The following BICD1 variants were observed in gnomAD, a reference collection of about 807,000 sequenced individuals.
BICD1 encodes protein bicaudal D homolog 1.
In BICD1, 35 loss-of-function variants were observed where a neutral mutation model predicts 92.5. The observed-to-expected ratio is 0.38, with a 90% CI of 0.29 to 0.50. BICD1 has a LOEUF of 0.50. Ranked by LOEUF, BICD1 falls within the 20% of genes least tolerant of loss-of-function variation. The pLI is 0.93. For synonymous variants in BICD1, 429 were observed against 465.1 expected (o/e 0.92, Z 1.00); for missense variants, 950 against 1,189.8 (o/e 0.80, Z 2.97).
chr12:32,121,258 C>A (rs942601128), intron 1 of BICD1, among the ~76,000 whole-genome samples: 1 of 150,286 alleles, frequency 6.7e-6, no homozygotes, highest in African/African-American at 2.4e-5. Context: ...CAGCACCTGG[C>A]GTCCATAGAT....
intron 1 of BICD1, among the ~76,000 whole-genome samples, chr12:32,129,608 G>A (rs922018597): frequency 2.0e-5 from 3 of 150,426 alleles, no homozygotes; most frequent in Non-Finnish European, 4.4e-5. Context: ...GGGCTCAACC[G>A]ATCTTCCCAC....
intron 1 of BICD1, among the ~76,000 whole-genome samples, chr12:32,199,798 C>T (rs1024855818): frequency 6.6e-6 from 1 of 152,036 alleles, no homozygotes. Context: ...TCCTTCAGAC[C>T]TCCAATAAAC....
chr12:32,239,587 T>G (rs1278181786), intron 2 of BICD1, among the ~76,000 whole-genome samples: 8 of 151,304 alleles, frequency 5.3e-5, no homozygotes, highest in African/African-American at 1.9e-4. Flanking sequence ...TTAGCGTTTT[T>G]TAACACTCAA....
chr12:32,234,248 C>G (rs1054433826), intron 2 of BICD1, among the ~76,000 whole-genome samples: 4 of 152,122 alleles, frequency 2.6e-5, no homozygotes, highest in African/African-American at 9.7e-5. Context: ...ATTAAAAGTA[C>G]TTTTTTAGAA....
chr12:32,302,880 A>ATTTTTTTTTT (rs371035402), intron 3 of BICD1, among the ~76,000 whole-genome samples: 1 of 109,910 alleles, frequency 9.1e-6, no homozygotes, highest in Admixed American at 1.0e-4. Context: ...TCCAATGACC[A>ATTTTTTTTTT]TTTTTTTTTT....
At chr12:32,187,538 G>A (rs773914351) in intron 1 of BICD1, among the ~76,000 whole-genome samples, 1 of 152,110 alleles carries the variant, frequency 6.6e-6, no homozygotes, top group African/African-American at 2.4e-5. Context: ...CGGGCGTGGT[G>A]GCGCGCTCCT....
Position 32,377,726 on chromosome 12 carries a change from A to C in BICD1, c.*99A>C. On this transcript the variant is annotated 3_prime_UTR_variant, in exon 10 of 10. Coordinates refer to ENST00000652176, the MANE Select transcript of BICD1 (RefSeq NM_001714.4). ...CGGGTGTTTTCTTCTCGGTTGTTAG[A>C]TGTACAATTGGATTAATGTCCATCG... 1.9e-6 allele frequency: 2 copies of C among 1,069,940 alleles called. No individual in the cohort carries two copies. Among genetic ancestry groups the C allele is most frequent in the Non-Finnish European group, 2.9e-6 (2 of 696,122 alleles). The allele number at this position is 1,069,940 out of a possible 1,614,324, so 66.3% of individuals were successfully genotyped here. A position where few individuals can be genotyped will look rare whatever the true frequency, so the allele number is the denominator to read the frequency against.
At chr12:32,146,117 TC>T (rs1486156420) in intron 1 of BICD1, among the ~76,000 whole-genome samples, 5 of 152,252 alleles carry the variant, frequency 3.3e-5, no homozygotes, top group African/African-American at 1.2e-4. Flanking sequence ...CAATTATTCT[TC>T]CCTTTCACTC....
At position 32,110,230 on chromosome 12, in the gene BICD1, C is replaced by T. The variant is rs142964619; in HGVS notation, c.213+2686C>T. 1.3e-3 allele frequency among the ~76,000 whole-genome samples: 192 copies of T among 152,226 alleles called. No individual in the cohort carries two copies. The Middle Eastern group carries it at 0.017, about 14-fold the overall frequency. On this transcript the variant is annotated intron_variant, in intron 1 of 9. Coordinates refer to ENST00000652176, the MANE Select transcript of BICD1 (RefSeq NM_001714.4). ...GTACTGCTGTGACAATAATGCAAGT[C>T]GGCAGTGTTGCCTAAAGATGTGCAA...
intron 2 of BICD1, among the ~76,000 whole-genome samples, chr12:32,242,742 G>A (rs1172522401): frequency 6.6e-6 from 1 of 152,136 alleles, no homozygotes; most frequent in Non-Finnish European, 1.5e-5. Context: ...AAGGTTTAGT[G>A]TTCCTGTTTT....
chr12:32,377,816 T>A lies in BICD1; in HGVS notation c.*189T>A. The A allele has an allele frequency of 2.0e-6, 1 of 493,628 alleles. No individual in the cohort carries two copies. The highest frequency in any genetic ancestry group is 3.6e-6 in the Non-Finnish European group (1 of 279,092). 30.6% of individuals were successfully genotyped at this position (493,628 alleles called of 1,614,324 possible). Reference sequence around the variant, plus strand: ...CAGACCCTGATGTGATAAAACATTTTGTGGTTTCTCTGAGTCACAGATAAA... The same window carrying A: ...CAGACCCTGATGTGATAAAACATTTAGTGGTTTCTCTGAGTCACAGATAAA... On this transcript the variant is annotated 3_prime_UTR_variant, in exon 10 of 10. Coordinates refer to ENST00000652176, the MANE Select transcript of BICD1 (RefSeq NM_001714.4).
At chr12:32,157,795 GT>G (rs1423446454) in intron 1 of BICD1, among the ~76,000 whole-genome samples, 1 of 152,000 alleles carries the variant, frequency 6.6e-6, no homozygotes, top group Non-Finnish European at 1.5e-5. Context: ...TATTTTAAAT[GT>G]TTCCACGTAT....
chr12:32,302,101 T>G (rs1029403910), intron 3 of BICD1, among the ~76,000 whole-genome samples: 2 of 152,136 alleles, frequency 1.3e-5, no homozygotes, highest in Admixed American at 6.5e-5. Flanking sequence ...TTAGCTAGGA[T>G]GGTCTTGATC....
At chr12:32,129,126 G>A (rs1279637725) in intron 1 of BICD1, among the ~76,000 whole-genome samples, 3 of 151,820 alleles carry the variant, frequency 2.0e-5, no homozygotes, top group Non-Finnish European at 4.4e-5. Flanking sequence ...ATAGAGATGG[G>A]GTTTCACCAT....
At chr12:32,338,743 CT>C in intron 7 of BICD1, 42 bp from the exon 8 acceptor site, 2 of 1,502,830 alleles carry the variant, frequency 1.3e-6, no homozygotes, top group Non-Finnish European at 1.8e-6. Flanking sequence ...TAAAGTAAAA[CT>C]TTTTTGTTTC....
chr12:32,372,339 G>C (rs908886418), intron 9 of BICD1, among the ~76,000 whole-genome samples: 2 of 152,094 alleles, frequency 1.3e-5, no homozygotes, highest in Non-Finnish European at 2.9e-5. Context: ...AATTAGCCAG[G>C]CATGGTGGCA....
rs78608346 is a variant in BICD1, at chr12:32,142,450, T to C, written c.213+34906T>C. On this transcript the variant is annotated intron_variant, in intron 1 of 9. Transcript: ENST00000652176. ...AAAAAAACAAAAAACCCCACCTATC[T>C]ATCCTATCTATCTATCTATCTATCT... Among the ~76,000 whole-genome samples, 272 of 36,236 alleles carry C rather than the reference T, an allele frequency of 7.5e-3. 2 individuals carry two copies. Among genetic ancestry groups the C allele is most frequent in the African/African-American group, 0.018 (246 of 13,322 alleles). The allele number at this position is 36,236 out of a possible 152,430, so 23.8% of individuals were successfully genotyped here.
At chr12:32,309,438 A>G (rs1378993081) in intron 4 of BICD1, among the ~76,000 whole-genome samples, 4 of 152,174 alleles carry the variant, frequency 2.6e-5, no homozygotes, top group African/African-American at 7.2e-5. Context: ...ATAGATTGTG[A>G]TATCTCCACT....
At chr12:32,139,365 G>A (rs1942830045) in intron 1 of BICD1, among the ~76,000 whole-genome samples, 1 of 152,118 alleles carries the variant, frequency 6.6e-6, no homozygotes. Flanking sequence ...GTGTGTGTGT[G>A]TTTGTGTGTG....
Sources: allele counts gnomAD v4.1 joint callset (sites outside exome capture counted in the v4.1 genomes callset), GRCh38; gene constraint gnomAD v4.1.1; transcripts MANE v1.5; gene names NCBI Gene and HGNC (gene_info 2026-07-23, HGNC 2026-07-21).